The following CPB2 variants were observed in gnomAD, a reference collection of about 807,000 sequenced individuals.
The protein encoded by CPB2 is carboxypeptidase B2, also known as carboxypeptidase B-like protein.
A neutral mutation model predicts 57.0 loss-of-function variants in CPB2; 54 were observed. The observed-to-expected ratio is 0.95, with a 90% CI of 0.76 to 1.19. The LOEUF (loss-of-function observed/expected upper bound fraction) is 1.19. CPB2 is among the 50% of genes most tolerant of loss of function. The pLI is 0.00. For missense variants in CPB2, 426 were observed against 512.0 expected, an observed-to-expected ratio of 0.83 and a Z score of 1.62; for synonymous variants, 189 against 178.1, an observed-to-expected ratio of 1.06 and a Z score of -0.49.
rs1251110820 is a variant in CPB2 at position 46,068,537 on chromosome 13, TTTTG to T, written c.592-1124_592-1121del. On this transcript the variant is annotated intron_variant, in intron 6 of 10. Coordinates refer to ENST00000181383, the MANE Select transcript of CPB2 (RefSeq NM_001872.5). ...GAATGAAGGAAGCCATGTTTTGTTTTTTTGTTTGTTTGTTTTTTATTATACTTTA... is the reference window on the plus strand; with the variant it reads ...GAATGAAGGAAGCCATGTTTTGTTTTTTTGTTTGTTTTTTATTATACTTTA... Among the ~76,000 whole-genome samples, 5 of 151,836 alleles carry T rather than the reference TTTTG, an allele frequency of 3.3e-5. No individual in the cohort carries two copies. The South Asian group carries it at 6.2e-4, about 19-fold the overall frequency.
chr13:46,100,469 G>T (rs2045420212), intron 1 of CPB2: 1 of 148,782 alleles, frequency 6.7e-6, no homozygotes, highest in South Asian at 2.2e-4. Flanking sequence ...GTGGAAAGAG[G>T]GAGAGGATTT....
intron 1 of CPB2, among the ~76,000 whole-genome samples, chr13:46,088,945 A>ATAT (rs1483212917): frequency 1.1e-4 from 17 of 147,956 alleles, no homozygotes; most frequent in Non-Finnish European, 2.1e-4. Flanking sequence ...ATCTTCTAGC[A>ATAT]GTTTGTAATT....
At chr13:46,095,671 A>G (rs1349107745) in intron 1 of CPB2, among the ~76,000 whole-genome samples, 1 of 152,136 alleles carries the variant, frequency 6.6e-6, no homozygotes, top group East Asian at 1.9e-4. Flanking sequence ...CTCAGCTTTA[A>G]TTAACTTTCT....
At chr13:46,082,397 G>C (rs775311912) in intron 4 of CPB2, 44 bp downstream of exon 4, 1 of 1,157,198 alleles carries the variant, frequency 8.6e-7, no homozygotes, top group South Asian at 1.4e-5. Flanking sequence ...GGCAATACTG[G>C]TTAAATGAAA....
chr13:46,063,251 A>G (rs1254252737), intron 8 of CPB2, among the ~76,000 whole-genome samples: 1 of 152,158 alleles, frequency 6.6e-6, no homozygotes, highest in Admixed American at 6.5e-5. Flanking sequence ...TTGGGATTCT[A>G]TTGAACCCAT....
intron 1 of CPB2, among the ~76,000 whole-genome samples, chr13:46,089,331 C>T (rs537054267): frequency 6.6e-6 from 1 of 152,096 alleles, no homozygotes; most frequent in Non-Finnish European, 1.5e-5. Context: ...CATTACCCAG[C>T]CTTCCGTGTG....
chr13:46,054,743 T>C (rs1197964700), intron 10 of CPB2, among the ~76,000 whole-genome samples: 1 of 151,910 alleles, frequency 6.6e-6, no homozygotes, highest in Non-Finnish European at 1.5e-5. Context: ...TTAGTGTTCA[T>C]GATAAATACA....
At chr13:46,083,499 G>A (rs891026598) in intron 3 of CPB2, among the ~76,000 whole-genome samples, 3 of 152,272 alleles carry the variant, frequency 2.0e-5, no homozygotes, top group South Asian at 4.1e-4. Flanking sequence ...ACAGAAGAGA[G>A]CATGGTCTCA....
chr13:46,087,963 C>G lies in CPB2; in HGVS notation c.75-143G>C, dbSNP rs531691922. On this transcript the variant is annotated intron_variant, in intron 1 of 10. Coordinates refer to ENST00000181383, the MANE Select transcript of CPB2 (RefSeq NM_001872.5). ...AGGACAGAGGATCTTACTACAGATT[C>G]AGTGTAATAAGAGAACATATACTCT... 8.5e-6 allele frequency: 5 copies of G among 589,492 alleles called. No individual in the cohort carries two copies. In the South Asian group the frequency reaches 1.2e-4, roughly 14 times the overall value. The allele number at this position is 589,492 out of a possible 1,614,324, so 36.5% of individuals were successfully genotyped here.
chr13:46,086,325 G>A (rs1444571563), intron 2 of CPB2, among the ~76,000 whole-genome samples: 3 of 152,178 alleles, frequency 2.0e-5, no homozygotes, highest in East Asian at 3.9e-4. Context: ...AATGACGTAC[G>A]TGGACAAGCG....
chr13:46,101,781 G>T (rs573629058), intron 1 of CPB2, among the ~76,000 whole-genome samples: 1 of 152,320 alleles, frequency 6.6e-6, no homozygotes, highest in South Asian at 2.1e-4. Context: ...ATAAGTAGCA[G>T]ATCTGGGGCT....
At chr13:46,063,133 G>C (rs1237345753) in intron 8 of CPB2, among the ~76,000 whole-genome samples, 1 of 152,184 alleles carries the variant, frequency 6.6e-6, no homozygotes, top group East Asian at 1.9e-4. Context: ...TGGGTGGGAA[G>C]AAAGAGTGAA....
chr13:46,082,595 G>GT, intron 3 of CPB2, 46 bp from the exon 4 acceptor site: 1 of 1,313,622 alleles, frequency 7.6e-7, no homozygotes, highest in Non-Finnish European at 1.1e-6. Context: ...GCAGAGGGTG[G>GT]ATCTTCCCAC....
At chr13:46,087,038 T>C (rs923175113) in intron 2 of CPB2, among the ~76,000 whole-genome samples, 6 of 152,210 alleles carry the variant, frequency 3.9e-5, no homozygotes, top group African/African-American at 1.4e-4. Context: ...ACACTGAGAG[T>C]GCAGAAATGC....
chr13:46,053,840 A>G, intron 10 of CPB2, 42 bp from the exon 11 acceptor site: 1 of 1,548,600 alleles, frequency 6.5e-7, no homozygotes, highest in East Asian at 2.3e-5. Context: ...CAGACGTTTC[A>G]AATTAATTTA....
At chr13:46,079,371 A>G (rs1465368663) in intron 4 of CPB2, among the ~76,000 whole-genome samples, 2 of 152,156 alleles carry the variant, frequency 1.3e-5, no homozygotes, top group African/African-American at 4.8e-5. Context: ...GTGCAAGAAC[A>G]GTGAGATTGG....
chr13:46,085,486 A>G (rs2045188924), intron 2 of CPB2, among the ~76,000 whole-genome samples: 2 of 152,190 alleles, frequency 1.3e-5, no homozygotes. Flanking sequence ...TCCAGCCAGT[A>G]ACCGAGTCCT....
At chr13:46,057,476 T>C (rs981423709) in intron 9 of CPB2, among the ~76,000 whole-genome samples, 1 of 152,210 alleles carries the variant, frequency 6.6e-6, no homozygotes, top group Admixed American at 6.5e-5. Context: ...ATGGGGCTGT[T>C]GATGTAACAC....
In CPB2 at chr13:46,082,469, T is replaced by C. The variant is rs1242181167; in HGVS notation, c.356A>G (p.Tyr119Cys). 2 of 1,613,016 alleles carry C rather than the reference T, an allele frequency of 1.2e-6. No homozygotes were observed. Among genetic ancestry groups the C allele is most frequent in the Admixed American group, 1.7e-5 (1 of 59,998 alleles). ...ATTTAGTGAGTGATACTGTTCATAG[T>C]ACGATGCGGAGGCTCGGGGGCTGAC... ...DTVSPRASAS[Y>C]YEQYHSLNEI... Residue 119 changes from tyrosine (Y) to cysteine (C), a missense_variant, in exon 4 of 11, where the codon TAC (tyrosine) becomes TGC (cysteine). Physicochemically the swap from Tyr to Cys is radical, Grantham distance 194. Coordinates refer to ENST00000181383, the MANE Select transcript of CPB2 (RefSeq NM_001872.5).
Sources: gnomAD v4.1 joint callset for allele counts (sites outside exome capture counted in the v4.1 genomes callset) on GRCh38, gnomAD v4.1.1 for gene constraint, MANE v1.5 for transcripts, NCBI Gene and HGNC (gene_info 2026-07-23, HGNC 2026-07-21) for gene names.